Variants in SLC22A3 observed in about 807,000 individuals in gnomAD.
SLC22A3 encodes the protein EMT organic cation transporter 3.
In SLC22A3, 51 loss-of-function variants were observed where a neutral mutation model predicts 59.1. The observed-to-expected ratio is 0.86, with a 90% CI of 0.69 to 1.09. The LOEUF (loss-of-function observed/expected upper bound fraction) is 1.09, where lower values mean the gene tolerates loss of function less well. SLC22A3 is among the 50% of genes least tolerant of loss of function. The pLI is 0.00. For missense variants in SLC22A3, 711 were observed against 726.3 expected (o/e 0.98, Z 0.24); for synonymous variants, 325 against 292.0 (o/e 1.11, Z -1.15).
chr6:160,451,315 G>A lies in SLC22A3; in HGVS notation c.*259G>A, dbSNP rs1472547536. 2.2e-6 allele frequency: 1 copy of A among 452,146 alleles called. No individual in the cohort carries two copies. The highest frequency in any genetic ancestry group is 4.1e-5 in the East Asian group (1 of 24,300). The allele number at this position is 452,146 out of a possible 1,614,324, so 28.0% of individuals were successfully genotyped here. On this transcript the variant is annotated 3_prime_UTR_variant, in exon 11 of 11. Coordinates refer to ENST00000275300, the MANE Select transcript of SLC22A3 (RefSeq NM_021977.4). ...GCTGTCAGGTGCACAGCCCTTCCTG[G>A]GTTTTTTTCTTGTGTTCCCTGTGGT...
At chr6:160,432,270 G>T (rs1279056087) in intron 5 of SLC22A3, among the ~76,000 whole-genome samples, 1 of 152,150 alleles carries the variant, frequency 6.6e-6, no homozygotes, top group Non-Finnish European at 1.5e-5. Context: ...ACTAGAAGGA[G>T]ACTCAGCTCC....
At chr6:160,372,728 T>C (rs1020380296) in intron 1 of SLC22A3, among the ~76,000 whole-genome samples, 3 of 152,212 alleles carry the variant, frequency 2.0e-5, no homozygotes, top group Non-Finnish European at 2.9e-5. Flanking sequence ...CTTGTCTTCA[T>C]GATTTATTTC....
chr6:160,356,549 C>G (rs532426432), intron 1 of SLC22A3, among the ~76,000 whole-genome samples: 8 of 152,184 alleles, frequency 5.3e-5, no homozygotes, highest in African/African-American at 1.9e-4. Flanking sequence ...GTGCAAGGCC[C>G]GGTGCAGGGA....
intron 1 of SLC22A3, among the ~76,000 whole-genome samples, chr6:160,359,163 C>T (rs1431166473): frequency 6.6e-6 from 1 of 152,158 alleles, no homozygotes; most frequent in Non-Finnish European, 1.5e-5. Context: ...TCACAGTTTG[C>T]TTGTGTTGCT....
chr6:160,366,102 GT>G (rs1785195761), intron 1 of SLC22A3, among the ~76,000 whole-genome samples: 1 of 152,010 alleles, frequency 6.6e-6, no homozygotes, highest in Non-Finnish European at 1.5e-5. Context: ...TTCCACTCCT[GT>G]CCCCTCCCAA....
intron 5 of SLC22A3, among the ~76,000 whole-genome samples, chr6:160,419,994 A>G (rs975453234): frequency 1.3e-5 from 2 of 152,202 alleles, no homozygotes; most frequent in Admixed American, 6.5e-5. Context: ...AAAATGAGAA[A>G]ACTGTTCATG....
chr6:160,416,197 C>G (rs1191917869), intron 5 of SLC22A3, among the ~76,000 whole-genome samples: 2 of 152,166 alleles, frequency 1.3e-5, no homozygotes, highest in South Asian at 4.1e-4. Context: ...GGGAGAAATA[C>G]AGGTGATCAG....
At chr6:160,392,293 A>ATTGTG (rs1786292174) in intron 1 of SLC22A3, among the ~76,000 whole-genome samples, 2 of 152,202 alleles carry the variant, frequency 1.3e-5, no homozygotes, top group Non-Finnish European at 2.9e-5. Context: ...ACCTAAATCC[A>ATTGTG]GCTCATTGTG....
chr6:160,405,048 T>C (rs1297588068), intron 2 of SLC22A3, among the ~76,000 whole-genome samples: 1 of 152,006 alleles, frequency 6.6e-6, no homozygotes, highest in African/African-American at 2.4e-5. Context: ...ACTGATAAGC[T>C]GGACTTCATT....
intron 1 of SLC22A3, among the ~76,000 whole-genome samples, chr6:160,365,484 C>A (rs926644185): frequency 6.6e-6 from 1 of 152,148 alleles, no homozygotes; most frequent in Middle Eastern, 3.2e-3. Context: ...GGGGTAGGGC[C>A]TGAAAATTTG....
At position 160,425,900 on chromosome 6, in the gene SLC22A3, T is replaced by G. The variant is rs924578413; in HGVS notation, c.976-10880T>G. 10 of 985,346 alleles carry G rather than the reference T, an allele frequency of 1.0e-5. No individual in the cohort carries two copies. The Admixed American group carries it at 3.1e-4, about 30-fold the overall frequency. The allele number at this position is 985,346 out of a possible 1,614,324, so 61.0% of individuals were successfully genotyped here. ...AGCCATGAGACATAACATGCTTCGC[T>G]GTCAACAACATTCAGGATTGGAATT... On this transcript the variant is annotated intron_variant, in intron 5 of 10. Transcript: ENST00000275300.
At chr6:160,428,183 C>T (rs1393046823) in intron 5 of SLC22A3, among the ~76,000 whole-genome samples, 3 of 151,404 alleles carry the variant, frequency 2.0e-5, no homozygotes, top group East Asian at 1.9e-4. Context: ...AGCTGCAATC[C>T]GTTCACCTTT....
intron 1 of SLC22A3, among the ~76,000 whole-genome samples, chr6:160,397,663 G>C (rs933927682): frequency 3.3e-5 from 5 of 151,028 alleles, no homozygotes; most frequent in Non-Finnish European, 7.4e-5. Flanking sequence ...GAACCCGAGA[G>C]GCAGAGGTTG....
chr6:160,425,052 T>C (rs1787896799), intron 5 of SLC22A3, among the ~76,000 whole-genome samples: 1 of 152,180 alleles, frequency 6.6e-6, no homozygotes, highest in East Asian at 1.9e-4. Context: ...GGGACAGGTT[T>C]TTGATGTCAA....
chr6:160,385,772 A>G (rs1785983473), intron 1 of SLC22A3, among the ~76,000 whole-genome samples: 1 of 152,164 alleles, frequency 6.6e-6, no homozygotes, highest in South Asian at 2.1e-4. Context: ...CCTGGGACAG[A>G]TGACATGGCT....
intron 1 of SLC22A3, among the ~76,000 whole-genome samples, chr6:160,358,452 G>A (rs974241383): frequency 3.3e-5 from 5 of 152,350 alleles, no homozygotes; most frequent in East Asian, 3.9e-4. Context: ...TGAGGGAAGC[G>A]TGCTTTAGGC....
At chr6:160,351,626 C>A (rs772812611) in intron 1 of SLC22A3, among the ~76,000 whole-genome samples, 2 of 152,194 alleles carry the variant, frequency 1.3e-5, no homozygotes, top group African/African-American at 2.4e-5. Flanking sequence ...GTAGTTCCAT[C>A]TTCAGCTAAC....
chr6:160,405,741 T>C (rs1003829367), intron 2 of SLC22A3, among the ~76,000 whole-genome samples: 8 of 152,120 alleles, frequency 5.3e-5, no homozygotes, highest in South Asian at 2.1e-4. Flanking sequence ...TATTCCATGC[T>C]GAAAAGAAAT....
chr6:160,408,726 T>C lies in SLC22A3; in HGVS notation c.689-27T>C, dbSNP rs778583640. The C allele has an allele frequency of 7.4e-6, 12 of 1,612,256 alleles. No homozygotes were observed. The South Asian group carries it at 1.3e-4, about 18-fold the overall frequency. ...TTTTGGAGCTGACCTTGTGCTTCTG[T>C]GACCTCTTGTGTTTGTTTTCCTTTA... is the stretch of plus-strand genomic sequence containing the variant. On this transcript the variant is annotated intron_variant, in intron 3 of 10. Transcript: ENST00000275300.
Sources: gnomAD v4.1 joint callset for allele counts (sites outside exome capture counted in the v4.1 genomes callset) on GRCh38, gnomAD v4.1.1 for gene constraint, MANE v1.5 for transcripts, NCBI Gene and HGNC (gene_info 2026-07-23, HGNC 2026-07-21) for gene names.